The following IGF1R variants were observed in gnomAD, a reference collection of about 807,000 sequenced individuals.
The protein encoded by IGF1R is insulin like growth factor 1 receptor.
IGF1R carries 44 observed loss-of-function variants against 144.6 expected under a neutral mutation model. The ratio of observed to expected loss-of-function variants is 0.30; its 90% CI spans 0.24 to 0.39. The LOEUF is 0.39. Among genes scored for constraint, IGF1R ranks in the 10% least tolerant of loss-of-function variants. The probability of loss-of-function intolerance (pLI) is 1.00; values close to 1 mark genes in which losing one functional copy is unlikely to be tolerated. For synonymous variants in IGF1R, 795 were observed against 722.8 expected, an observed-to-expected ratio of 1.10 and a Z score of -1.60; for missense variants, 1,355 against 1,833.7, an observed-to-expected ratio of 0.74 and a Z score of 4.77.
At chr15:98,680,689 C>T (rs1206335025) in intron 1 of IGF1R, among the ~76,000 whole-genome samples, 1 of 152,124 alleles carries the variant, frequency 6.6e-6, no homozygotes, top group East Asian at 1.9e-4. Context: ...GTCACCCTCC[C>T]CAAGTAGCTA....
chr15:98,878,506 AT>A (rs1006462618), intron 2 of IGF1R, among the ~76,000 whole-genome samples: 1 of 152,066 alleles, frequency 6.6e-6, no homozygotes, highest in Admixed American at 6.5e-5. Context: ...TGAAAAGAAT[AT>A]TTTTTTCCAC....
chr15:98,791,165 A>C (rs1263966330), intron 2 of IGF1R, among the ~76,000 whole-genome samples: 2 of 152,230 alleles, frequency 1.3e-5, no homozygotes, highest in Non-Finnish European at 2.9e-5. Flanking sequence ...GATAAATGTT[A>C]AGACATATTC....
intron 1 of IGF1R, among the ~76,000 whole-genome samples, chr15:98,693,538 C>T (rs953511596): frequency 2.0e-5 from 3 of 152,280 alleles, no homozygotes; most frequent in Admixed American, 6.5e-5. Flanking sequence ...CTGGGCACAG[C>T]GGCTTGCCTG....
rs540133671 is a variant in IGF1R at position 98,652,201 on chromosome 15, G to A, written c.94+2526G>A. On this transcript the variant is annotated intron_variant, in intron 1 of 20. Coordinates refer to ENST00000650285, the MANE Select transcript of IGF1R (RefSeq NM_000875.5). ...TTTGTATCACCATAATGTGAACAGA[G>A]CATCTAAATGAAGGCGGTTCGGAGG... Among the ~76,000 whole-genome samples, 8 of 152,368 alleles carry A rather than the reference G, an allele frequency of 5.3e-5. No homozygotes were observed. The East Asian group carries it at 1.3e-3, about 26-fold the overall frequency.
chr15:98,649,458 T>G lies in IGF1R; in HGVS notation c.-124T>G. On this transcript the variant is annotated 5_prime_UTR_variant, in exon 1 of 21. Coordinates refer to ENST00000650285, the MANE Select transcript of IGF1R (RefSeq NM_000875.5). The stretch of plus-strand genomic sequence containing the variant: ...GAGTATTGTTTCCTTCGCCCTTGTT[T>G]TTGGAGGGGGAGCGAAGACTGAGTT... The G allele has an allele frequency of 8.7e-6, 6 of 691,820 alleles. No homozygotes were observed. The highest frequency in any genetic ancestry group is 1.4e-5 in the Non-Finnish European group (6 of 417,292). 42.9% of individuals were successfully genotyped at this position (691,820 alleles called of 1,614,324 possible).
intron 18 of IGF1R, 116 bp downstream of exon 18, chr15:98,939,476 C>G (rs548513849): frequency 1.0e-5 from 10 of 964,172 alleles, no homozygotes; most frequent in African/African-American, 1.6e-5. Flanking sequence ...AGTGCACGGA[C>G]TCCTTCTTGG....
chr15:98,884,776 T>A (rs2013557574), intron 2 of IGF1R, among the ~76,000 whole-genome samples: 1 of 152,014 alleles, frequency 6.6e-6, no homozygotes. Flanking sequence ...TCTGCACTGC[T>A]GTCCTCTTGA....
chr15:98,814,883 C>T (rs540442423), intron 2 of IGF1R, among the ~76,000 whole-genome samples: 3 of 152,306 alleles, frequency 2.0e-5, no homozygotes, highest in South Asian at 4.1e-4. Flanking sequence ...TATGATGCTT[C>T]CTTATATCTG....
intron 2 of IGF1R, among the ~76,000 whole-genome samples, chr15:98,712,537 C>T (rs557694168): frequency 2.6e-4 from 39 of 152,176 alleles, no homozygotes; most frequent in African/African-American, 9.2e-4. Context: ...CTCCCCCTTA[C>T]AGCAGTGACA....
chr15:98,762,187 A>C (rs1017519186), intron 2 of IGF1R, among the ~76,000 whole-genome samples: 4 of 152,162 alleles, frequency 2.6e-5, no homozygotes, highest in South Asian at 2.1e-4. Flanking sequence ...GGAATATATA[A>C]GAAATGAATA....
chr15:98,778,466 G>T (rs190071343), intron 2 of IGF1R, among the ~76,000 whole-genome samples: 1 of 152,176 alleles, frequency 6.6e-6, no homozygotes, highest in Non-Finnish European at 1.5e-5. Flanking sequence ...ACCCAGAGAG[G>T]GTCATGGTTT....
chr15:98,686,973 T>G (rs1345469735), intron 1 of IGF1R, among the ~76,000 whole-genome samples: 2 of 152,218 alleles, frequency 1.3e-5, no homozygotes, highest in Non-Finnish European at 1.5e-5. Flanking sequence ...CCTGGCTTAT[T>G]TAAATTTTTA....
In IGF1R at chr15:98,934,879, A is replaced by G. The variant is rs2016083965; in HGVS notation, c.3012A>G (p.Glu1004=). 6.2e-7 allele frequency: 1 copy of G among 1,614,068 alleles called. No homozygotes were observed. The highest frequency in any genetic ancestry group is 1.3e-5 in the African/African-American group (1 of 74,928). Residue 1004 remains glutamate (E), a synonymous_variant, in exon 16 of 21, where the codon GAA becomes GAG. Transcript: ENST00000650285. ...VAREKITMSR[E]LGQGSFGMVY... is the part of the protein sequence containing the mutation. ...GGGAGAAGATCACCATGAGCCGGGAACTTGGGCAGGGGTCGTTTGGGATGG... is the reference window on the plus strand; with the variant it reads ...GGGAGAAGATCACCATGAGCCGGGAGCTTGGGCAGGGGTCGTTTGGGATGG...
chr15:98,847,215 G>A (rs1215478237), intron 2 of IGF1R, among the ~76,000 whole-genome samples: 1 of 152,170 alleles, frequency 6.6e-6, no homozygotes, highest in African/African-American at 2.4e-5. Flanking sequence ...GACCTCAAGT[G>A]ATCCTTCTGC....
At chr15:98,652,013 C>G (rs969696168) in intron 1 of IGF1R, among the ~76,000 whole-genome samples, 1 of 151,336 alleles carries the variant, frequency 6.6e-6, no homozygotes, top group African/African-American at 2.5e-5. Flanking sequence ...CAGCTGTTGT[C>G]TGGTGGAGAA....
At chr15:98,748,754 G>A (rs181635516) in intron 2 of IGF1R, among the ~76,000 whole-genome samples, 1 of 152,302 alleles carries the variant, frequency 6.6e-6, no homozygotes, top group Admixed American at 6.5e-5. Context: ...TAGTCCATTG[G>A]CAATGGATAT....
chr15:98,681,096 G>T (rs1489509635), intron 1 of IGF1R, among the ~76,000 whole-genome samples: 2 of 152,082 alleles, frequency 1.3e-5, no homozygotes, highest in Non-Finnish European at 1.5e-5. Context: ...ATCACACAAT[G>T]ATGAAATCAC....
chr15:98,812,757 CA>C lies in IGF1R; in HGVS notation c.641-78566del, dbSNP rs2056617455. Among the ~76,000 whole-genome samples the C allele has an allele frequency of 5.3e-5, 8 of 152,302 alleles. No homozygotes were observed. In the South Asian group the frequency reaches 1.7e-3, roughly 32 times the overall value. On this transcript the variant is annotated intron_variant, in intron 2 of 20. Coordinates refer to ENST00000650285, the MANE Select transcript of IGF1R (RefSeq NM_000875.5). ...TATCTAACTAATTTGCCCTTGCCCC[CA>C]ACTTTTATCTTGGAATTTCTTACGT... is the stretch of plus-strand genomic sequence containing the variant.
At chr15:98,953,382 T>C (rs1484787191) in intron 20 of IGF1R, among the ~76,000 whole-genome samples, 1 of 152,148 alleles carries the variant, frequency 6.6e-6, no homozygotes, top group East Asian at 1.9e-4. Context: ...TGGGTTGTGG[T>C]TCCCTGCTGG....
Sources: allele counts gnomAD v4.1 joint callset (sites outside exome capture counted in the v4.1 genomes callset), GRCh38; gene constraint gnomAD v4.1.1; transcripts MANE v1.5; gene names NCBI Gene and HGNC (gene_info 2026-07-23, HGNC 2026-07-21).